DMRT1: variants seen among roughly 807,000 people sequenced by gnomAD.
DMRT1 encodes doublesex- and mab-3-related transcription factor 1.
In DMRT1, 7 loss-of-function variants were observed where a neutral mutation model predicts 32.3. That is an observed-to-expected ratio of 0.22 (90% CI 0.12 to 0.41). The LOEUF (loss-of-function observed/expected upper bound fraction) is 0.41. Among genes scored for constraint, DMRT1 ranks in the 10% least tolerant of loss-of-function variants. DMRT1 has a pLI of 1.00. For missense variants in DMRT1, 625 were observed against 500.5 expected (o/e 1.25, Z -2.37); for synonymous variants, 278 against 206.1 (o/e 1.35, Z -2.99).
At chr9:848,157 CT>C (rs1255700351) in intron 2 of DMRT1, among the ~76,000 whole-genome samples, 5 of 152,202 alleles carry the variant, frequency 3.3e-5, no homozygotes, top group Non-Finnish European at 7.3e-5. Context: ...CTTGACTAAG[CT>C]TTCATGAATT....
intron 3 of DMRT1, among the ~76,000 whole-genome samples, chr9:896,065 A>C (rs12001269): frequency 0.015 from 2,223 of 151,418 alleles, 57 homozygotes; most frequent in African/African-American, 0.051. Context: ...AGCCTCCCAA[A>C]GTGCTGGGAT....
chr9:925,691 C>G (rs1818500345), intron 4 of DMRT1, among the ~76,000 whole-genome samples: 1 of 152,188 alleles, frequency 6.6e-6, no homozygotes, highest in African/African-American at 2.4e-5. Context: ...AACACACGTG[C>G]AGCTCCTCCA....
chr9:948,495 T>G (rs1725305459), intron 4 of DMRT1, among the ~76,000 whole-genome samples: 1 of 151,912 alleles, frequency 6.6e-6, no homozygotes, highest in Non-Finnish European at 1.5e-5. Flanking sequence ...TGCCCTAGAG[T>G]CTGTGGAAGT....
At chr9:910,582 G>A (rs1395153559) in intron 3 of DMRT1, among the ~76,000 whole-genome samples, 2 of 150,282 alleles carry the variant, frequency 1.3e-5, no homozygotes, top group African/African-American at 4.9e-5. Context: ...AGATATTATT[G>A]TTACTATAAA....
rs1330322623 is a variant in DMRT1, at chr9:898,097, G to GTTTTTCT, written c.822+3913_822+3919dup. 2.0e-5 allele frequency among the ~76,000 whole-genome samples: 3 copies of GTTTTTCT among 151,978 alleles called. No individual in the cohort carries two copies. The East Asian group carries it at 5.8e-4, about 29-fold the overall frequency. On this transcript the variant is annotated intron_variant, in intron 3 of 4. Transcript: ENST00000382276. ...GATGGCTCACTTTTTAACCAGAGTC[G>GTTTTTCT]TTTTTCTTTTTTCTTTTGTTATTGT...
intron 4 of DMRT1, among the ~76,000 whole-genome samples, chr9:957,292 A>G (rs1266090980): frequency 6.6e-6 from 1 of 152,364 alleles, no homozygotes; most frequent in Non-Finnish European, 1.5e-5. Flanking sequence ...AATGCCTTAT[A>G]TTGCCTACAG....
chr9:871,194 C>G (rs1259329575), intron 2 of DMRT1, among the ~76,000 whole-genome samples: 2 of 151,540 alleles, frequency 1.3e-5, no homozygotes, highest in African/African-American at 4.9e-5. Context: ...CACCACCATG[C>G]CCGGCTAATT....
At chr9:855,650 C>T (rs1453900990) in intron 2 of DMRT1, among the ~76,000 whole-genome samples, 5 of 152,190 alleles carry the variant, frequency 3.3e-5, no homozygotes, top group Admixed American at 6.5e-5. Context: ...GACAGGGTCT[C>T]GCTTTTTAGC....
chr9:846,582 T>C (rs1361105420), intron 1 of DMRT1, among the ~76,000 whole-genome samples: 1 of 152,092 alleles, frequency 6.6e-6, no homozygotes, highest in Non-Finnish European at 1.5e-5. Context: ...TAACAAGCTT[T>C]TTTATTTGTT....
chr9:897,785 G>C (rs116149106), intron 3 of DMRT1, among the ~76,000 whole-genome samples: 1,558 of 152,102 alleles, frequency 0.01, 24 homozygotes, highest in African/African-American at 0.036. Flanking sequence ...ATTTTCGTTA[G>C]CTACCTCAGA....
At chr9:896,799 T>C (rs1817385713) in intron 3 of DMRT1, among the ~76,000 whole-genome samples, 1 of 151,578 alleles carries the variant, frequency 6.6e-6, no homozygotes, top group Non-Finnish European at 1.5e-5. Flanking sequence ...GGCGACAGAG[T>C]GAGACTCTGT....
intron 4 of DMRT1, among the ~76,000 whole-genome samples, chr9:945,718 CT>C (rs199537897): frequency 7.1e-6 from 1 of 141,670 alleles, no homozygotes; most frequent in African/African-American, 2.6e-5. Flanking sequence ...TGATGAGTTG[CT>C]TTTTTAAAAA....
chr9:942,730 T>C (rs1047162803), intron 4 of DMRT1, among the ~76,000 whole-genome samples: 3 of 152,182 alleles, frequency 2.0e-5, no homozygotes, highest in Admixed American at 6.5e-5. Flanking sequence ...GGTTCGTTGG[T>C]TTTATTGGTG....
chr9:949,575 A>G (rs540560148), intron 4 of DMRT1, among the ~76,000 whole-genome samples: 1 of 152,332 alleles, frequency 6.6e-6, no homozygotes, highest in Non-Finnish European at 1.5e-5. Context: ...TATTCATGAT[A>G]AGAACACTTG....
intron 2 of DMRT1, among the ~76,000 whole-genome samples, chr9:868,160 G>A (rs1816073480): frequency 6.6e-6 from 1 of 152,226 alleles, no homozygotes; most frequent in Non-Finnish European, 1.5e-5. Flanking sequence ...GTATTTTTTT[G>A]TAGAGATGGG....
chr9:864,665 ATTT>A (rs5895868), intron 2 of DMRT1, among the ~76,000 whole-genome samples: 1 of 150,792 alleles, frequency 6.6e-6, no homozygotes, highest in Non-Finnish European at 1.5e-5. Flanking sequence ...CGCCTGGCTA[ATTT>A]TTTTTGTATT....
rs773407897 is a variant in DMRT1 at position 967,995 on chromosome 9, G to T, written c.978G>T (p.Pro326=). The stretch of plus-strand genomic sequence containing the variant: ...CACCTCACTTCGCAGTATTCTCGCC[G>T]CCCAGCAGTCAAGATTCTGGCTTGG... The part of the protein sequence containing the change: ...YPEARASVFS[P]PSSQDSGLVS... The change falls in exon 5 of 5, where the codon CCG becomes CCT. Residue 326 remains proline, a synonymous_variant. Coordinates refer to ENST00000382276, the MANE Select transcript of DMRT1 (RefSeq NM_021951.3). The T allele has an allele frequency of 6.8e-6, 11 of 1,613,106 alleles. No individual in the cohort carries two copies. The highest frequency in any genetic ancestry group is 6.7e-5 in the Admixed American group (4 of 59,942).
At chr9:866,100 G>C (rs1487312863) in intron 2 of DMRT1, among the ~76,000 whole-genome samples, 1 of 142,604 alleles carries the variant, frequency 7.0e-6, no homozygotes, top group Non-Finnish European at 1.5e-5. Flanking sequence ...AGAGGCAGCA[G>C]CTGCCGTGAG....
intron 4 of DMRT1, among the ~76,000 whole-genome samples, chr9:921,274 T>G (rs1818345044): frequency 6.6e-6 from 1 of 152,246 alleles, no homozygotes; most frequent in Non-Finnish European, 1.5e-5. Context: ...TTCGCTTAGC[T>G]TAAATGTTTT....
Sources: gnomAD v4.1 joint callset for allele counts (sites outside exome capture counted in the v4.1 genomes callset) on GRCh38, gnomAD v4.1.1 for gene constraint, MANE v1.5 for transcripts, NCBI Gene and HGNC (gene_info 2026-07-23, HGNC 2026-07-21) for gene names.